The following TRDN variants were observed in gnomAD, a reference collection of about 807,000 sequenced individuals.
TRDN encodes triadin, also known as triadin in skeletal muscle.
In TRDN, 161 loss-of-function variants were observed where a neutral mutation model predicts 149.7. The observed-to-expected ratio is 1.08, with a 90% CI of 0.95 to 1.23. TRDN has a LOEUF of 1.23. Among genes scored for constraint, TRDN ranks in the 50% most tolerant of loss-of-function variants. The probability of loss-of-function intolerance (pLI) is 0.00; values close to 1 mark genes in which losing one functional copy is unlikely to be tolerated. For missense variants in TRDN, 896 were observed against 823.5 expected, an observed-to-expected ratio of 1.09 and a Z score of -1.08; for synonymous variants, 294 against 250.5, an observed-to-expected ratio of 1.17 and a Z score of -1.64.
intron 24 of TRDN, among the ~76,000 whole-genome samples, chr6:123,286,306 A>G (rs533112157): frequency 1.8e-4 from 28 of 152,098 alleles, no homozygotes; most frequent in Non-Finnish European, 3.1e-4. Context: ...TGATGAAGAA[A>G]TTGTAGTATA....
chr6:123,471,707 A>G (rs2114735936), intron 9 of TRDN: 1 of 152,368 alleles, frequency 6.6e-6, no homozygotes, highest in East Asian at 1.9e-4. Context: ...AAGCAAGAAT[A>G]GCAGCCAAAT....
At chr6:123,304,393 C>T (rs1469166108) in intron 24 of TRDN, among the ~76,000 whole-genome samples, 4 of 151,646 alleles carry the variant, frequency 2.6e-5, no homozygotes, top group Admixed American at 6.6e-5. Context: ...GCTGGGACTA[C>T]AGGCATGCTC....
intron 19 of TRDN, among the ~76,000 whole-genome samples, chr6:123,371,250 T>C (rs1350473289): frequency 6.6e-6 from 1 of 152,182 alleles, no homozygotes; most frequent in Admixed American, 6.5e-5. Context: ...GAAATAAGAA[T>C]AAATTATATT....
chr6:123,281,941 C>G (rs1468892395), intron 24 of TRDN, among the ~76,000 whole-genome samples: 1 of 151,918 alleles, frequency 6.6e-6, no homozygotes, highest in African/African-American at 2.4e-5. Flanking sequence ...ACGCCCAGTA[C>G]CTTATGAATG....
chr6:123,362,127 A>G (rs1489339846), intron 20 of TRDN, among the ~76,000 whole-genome samples: 3 of 152,068 alleles, frequency 2.0e-5, no homozygotes, highest in Non-Finnish European at 4.4e-5. Context: ...ATTGTCATTA[A>G]ATTATTTTTC....
chr6:123,492,504 A>T (rs1156384978), intron 9 of TRDN, among the ~76,000 whole-genome samples: 1 of 152,064 alleles, frequency 6.6e-6, no homozygotes, highest in Non-Finnish European at 1.5e-5. Flanking sequence ...AACCCATGCA[A>T]TTTATTAAGC....
chr6:123,356,503 T>TTATATATATA lies in TRDN; in HGVS notation c.1322-3927_1322-3918dup, dbSNP rs71021444. Reference sequence around the variant, plus strand: ...CTATGCCTCTAGGTTTACAAGAAGTTTATATATATATATATATATATATAT... The same window carrying TTATATATATA: ...CTATGCCTCTAGGTTTACAAGAAGTTTATATATATATATATATATATATATATATATATAT... On this transcript the variant is annotated intron_variant, in intron 20 of 40. Transcript: ENST00000334268. Among the ~76,000 whole-genome samples the TTATATATATA allele has an allele frequency of 1.9e-3, 205 of 106,896 alleles. 1 individual carries two copies. Among genetic ancestry groups the TTATATATATA allele is most frequent in the Non-Finnish European group, 2.3e-3 (122 of 52,032 alleles). The allele number at this position is 106,896 out of a possible 152,430, so 70.1% of individuals were successfully genotyped here. A position where few individuals can be genotyped will look rare whatever the true frequency, so the allele number is the denominator to read the frequency against.
chr6:123,274,253 T>G (rs1186888423), intron 27 of TRDN, among the ~76,000 whole-genome samples: 1 of 152,052 alleles, frequency 6.6e-6, no homozygotes, highest in Non-Finnish European at 1.5e-5. Flanking sequence ...ACCACAATAG[T>G]CTATAACTTT....
At position 123,255,878 on chromosome 6, in the gene TRDN, C is replaced by CT. The variant is rs756175542; in HGVS notation, c.1894dup (p.Arg632LysfsTer31). 4 of 1,352,686 alleles carry CT rather than the reference C, an allele frequency of 3.0e-6. No homozygotes were observed. Among genetic ancestry groups the CT allele is most frequent in the Admixed American group, 7.2e-5 (2 of 27,842 alleles). 83.8% of individuals were successfully genotyped at this position (1,352,686 alleles called of 1,614,324 possible). A position where few individuals can be genotyped will look rare whatever the true frequency, so the allele number is the denominator to read the frequency against. ...TTTTAAAAAATTACCTTTTTCTTCT[C>CT]TAAGATGCTTCATGTCTGCTTTTTC... is the stretch of plus-strand genomic sequence containing the variant. On this transcript the variant is annotated frameshift_variant, in exon 36 of 41. Transcript: ENST00000334268. LOFTEE classifies it high-confidence loss of function.
At chr6:123,481,342 A>T (rs1330848058) in intron 9 of TRDN, among the ~76,000 whole-genome samples, 2 of 151,366 alleles carry the variant, frequency 1.3e-5, no homozygotes, top group African/African-American at 4.9e-5. Context: ...TGTATGTCAT[A>T]TTTAAATTAT....
At chr6:123,489,023 A>T (rs938854925) in intron 9 of TRDN, 1 of 152,140 alleles carries the variant, frequency 6.6e-6, no homozygotes, top group Non-Finnish European at 1.5e-5. Flanking sequence ...GTACTCACAG[A>T]AATCACTTAA....
At chr6:123,428,614 G>C (rs1774216449) in intron 12 of TRDN, among the ~76,000 whole-genome samples, 1 of 152,150 alleles carries the variant, frequency 6.6e-6, no homozygotes, top group Admixed American at 6.5e-5. Context: ...ATACACCACT[G>C]TTAAAAGTGT....
chr6:123,455,302 T>C (rs537739592), intron 10 of TRDN, among the ~76,000 whole-genome samples: 1 of 151,402 alleles, frequency 6.6e-6, no homozygotes, highest in African/African-American at 2.5e-5. Context: ...GCTTTTTACA[T>C]GAGTGATTGC....
At chr6:123,241,050 T>C (rs1016343685) in intron 38 of TRDN, among the ~76,000 whole-genome samples, 1 of 151,814 alleles carries the variant, frequency 6.6e-6, no homozygotes, top group African/African-American at 2.4e-5. Flanking sequence ...TTTAAGAAGA[T>C]TAGTTGTTTT....
intron 24 of TRDN, among the ~76,000 whole-genome samples, chr6:123,299,198 G>A (rs941323769): frequency 1.3e-5 from 2 of 151,984 alleles, no homozygotes; most frequent in Non-Finnish European, 2.9e-5. Context: ...TATAAGACCT[G>A]GGAGATCCTG....
intron 4 of TRDN, among the ~76,000 whole-genome samples, chr6:123,534,095 A>C (rs1208754101): frequency 1.3e-5 from 2 of 152,108 alleles, no homozygotes; most frequent in Non-Finnish European, 2.9e-5. Flanking sequence ...TTGCAAGCAG[A>C]GGTCAACCAT....
chr6:123,222,683 T>C (rs117561588), intron 39 of TRDN, among the ~76,000 whole-genome samples: 1 of 151,874 alleles, frequency 6.6e-6, no homozygotes, highest in Non-Finnish European at 1.5e-5. Flanking sequence ...CAAATACTTA[T>C]TGCCTGCAGA....
chr6:123,506,242 G>A (rs1778916059), intron 7 of TRDN, among the ~76,000 whole-genome samples: 1 of 152,062 alleles, frequency 6.6e-6, no homozygotes. Flanking sequence ...CTAAAAATCA[G>A]CATAATAATA....
chr6:123,628,130 T>C (rs1207220878), intron 1 of TRDN, among the ~76,000 whole-genome samples: 2 of 152,222 alleles, frequency 1.3e-5, no homozygotes, highest in African/African-American at 2.4e-5. Context: ...ACAACTTGGC[T>C]GTTTGGTGCA....
Sources: gnomAD v4.1 joint callset for allele counts (sites outside exome capture counted in the v4.1 genomes callset) on GRCh38, gnomAD v4.1.1 for gene constraint, MANE v1.5 for transcripts, NCBI Gene and HGNC (gene_info 2026-07-23, HGNC 2026-07-21) for gene names.